The following SORCS3 variants were observed in gnomAD, a reference collection of about 807,000 sequenced individuals.
SORCS3 encodes sortilin related VPS10 domain containing receptor 3.
A neutral mutation model predicts 146.3 loss-of-function variants in SORCS3; 57 were observed. The ratio of observed to expected loss-of-function variants is 0.39; its 90% confidence interval spans 0.31 to 0.49. The LOEUF is 0.49. Among genes scored for constraint, SORCS3 ranks in the 20% least tolerant of loss-of-function variants. The pLI, the probability that SORCS3 is intolerant of heterozygous loss-of-function variation, is 0.92. For missense variants in SORCS3, 1,341 were observed against 1,575.5 expected, an observed-to-expected ratio of 0.85 and a Z score of 2.52; for synonymous variants, 653 against 618.5, an observed-to-expected ratio of 1.06 and a Z score of -0.83.
intron 13 of SORCS3, among the ~76,000 whole-genome samples, chr10:105,173,565 T>G (rs1167716115): frequency 6.6e-6 from 1 of 152,206 alleles, no homozygotes. Flanking sequence ...TGTGGTCTCT[T>G]AAATTACCAC....
intron 7 of SORCS3, among the ~76,000 whole-genome samples, chr10:105,116,680 T>C (rs569475551): frequency 1.3e-5 from 2 of 152,180 alleles, no homozygotes; most frequent in East Asian, 1.9e-4. Flanking sequence ...ATGGCACATA[T>C]ACACAGTGGA....
chr10:104,667,598 T>C (rs1343895920), intron 1 of SORCS3, among the ~76,000 whole-genome samples: 1 of 152,244 alleles, frequency 6.6e-6, no homozygotes, highest in Non-Finnish European at 1.5e-5. Flanking sequence ...TTAAAAAATA[T>C]TGTCTAGTAG....
chr10:104,645,367 C>T (rs867295065), intron 1 of SORCS3, among the ~76,000 whole-genome samples: 17 of 152,190 alleles, frequency 1.1e-4, no homozygotes, highest in African/African-American at 3.9e-4. Context: ...AGAAGCCTCC[C>T]TGCTTGCTCA....
chr10:104,673,429 T>C (rs908059818), intron 1 of SORCS3, among the ~76,000 whole-genome samples: 10 of 151,794 alleles, frequency 6.6e-5, no homozygotes, highest in Non-Finnish European at 1.0e-4. Flanking sequence ...CGTGTGTGTG[T>C]GTGTGTGTGT....
chr10:104,791,484 G>A (rs1038458800), intron 1 of SORCS3, among the ~76,000 whole-genome samples: 1 of 152,194 alleles, frequency 6.6e-6, no homozygotes. Flanking sequence ...GGCTCGGTGA[G>A]GTTCAAGGAT....
chr10:104,864,511 G>A (rs1387561077), intron 2 of SORCS3, among the ~76,000 whole-genome samples: 1 of 152,124 alleles, frequency 6.6e-6, no homozygotes, highest in South Asian at 2.1e-4. Flanking sequence ...GTGGTACCTG[G>A]TTAACAAAGC....
At chr10:105,129,662 TACAC>T (rs71022754) in intron 7 of SORCS3, among the ~76,000 whole-genome samples, 17 of 148,028 alleles carry the variant, frequency 1.1e-4, no homozygotes, top group African/African-American at 2.2e-4. Context: ...CCCACTCAAA[TACAC>T]ACACACACAC....
At chr10:105,107,370 G>A (rs1272309587) in intron 7 of SORCS3, among the ~76,000 whole-genome samples, 1 of 149,164 alleles carries the variant, frequency 6.7e-6, no homozygotes, top group Admixed American at 6.7e-5. Flanking sequence ...TTTACCAGTC[G>A]GATTTCCCTT....
intron 3 of SORCS3, among the ~76,000 whole-genome samples, chr10:104,929,840 G>A (rs771011186): frequency 8.5e-5 from 13 of 152,198 alleles, no homozygotes; most frequent in Non-Finnish European, 1.3e-4. Flanking sequence ...CAAAGCCAGC[G>A]TGCAAAAACT....
intron 1 of SORCS3, among the ~76,000 whole-genome samples, chr10:104,758,889 A>G (rs1300238179): frequency 6.6e-6 from 1 of 152,232 alleles, no homozygotes; most frequent in African/African-American, 2.4e-5. Flanking sequence ...ACTCTGAAGA[A>G]GTAGATCCTG....
rs1022758977 is a variant in SORCS3, at chr10:104,662,750, G to A, written c.627+20796G>A. ...AGAGCAAGATGAGTAAAGGCTTGGA[G>A]GTGAGAAGTAATAGGGTGTTTTTCG... On this transcript the variant is annotated intron_variant, in intron 1 of 26. Transcript: ENST00000369701. Among the ~76,000 whole-genome samples the A allele has an allele frequency of 5.9e-5, 9 of 152,334 alleles. No individual in the cohort carries two copies. In the East Asian group the frequency reaches 7.7e-4, roughly 13 times the overall value.
chr10:105,118,578 A>G (rs895057980), intron 7 of SORCS3, among the ~76,000 whole-genome samples: 4 of 152,164 alleles, frequency 2.6e-5, no homozygotes, highest in Non-Finnish European at 4.4e-5. Flanking sequence ...AGAAGAAGAA[A>G]GAAGACGTGG....
intron 2 of SORCS3, among the ~76,000 whole-genome samples, chr10:104,881,639 A>T (rs1274344490): frequency 1.3e-5 from 2 of 152,200 alleles, no homozygotes; most frequent in Non-Finnish European, 2.9e-5. Context: ...TCCCTTTTCA[A>T]TTGCTTCTAT....
intron 2 of SORCS3, among the ~76,000 whole-genome samples, chr10:104,884,828 C>G (rs2018665926): frequency 6.6e-6 from 1 of 151,846 alleles, no homozygotes; most frequent in South Asian, 2.1e-4. Flanking sequence ...AATCTGATCT[C>G]ATGTATTTTT....
intron 7 of SORCS3, among the ~76,000 whole-genome samples, chr10:105,113,145 C>G (rs554113388): frequency 2.0e-5 from 3 of 152,166 alleles, no homozygotes; most frequent in Admixed American, 2.0e-4. Flanking sequence ...CAAAAGGATC[C>G]TGCTGCTAAA....
intron 2 of SORCS3, among the ~76,000 whole-genome samples, chr10:104,896,499 G>A (rs1376972127): frequency 1.5e-4 from 23 of 152,304 alleles, no homozygotes; most frequent in Non-Finnish European, 4.4e-5. Context: ...TGCAGATTTC[G>A]ATCTGAGGGA....
intron 5 of SORCS3, among the ~76,000 whole-genome samples, chr10:105,069,299 G>T (rs1444832672): frequency 6.6e-6 from 1 of 152,190 alleles, no homozygotes; most frequent in African/African-American, 2.4e-5. Flanking sequence ...CACTTATCTT[G>T]TAAAGTTCTG....
In SORCS3 at chr10:104,786,131, C is replaced by CTCAT. The variant is rs1292880631; in HGVS notation, c.628-56647_628-56644dup. Among the ~76,000 whole-genome samples the CTCAT allele has an allele frequency of 3.9e-5, 6 of 152,138 alleles. No homozygotes were observed. The South Asian group carries it at 1.0e-3, about 26-fold the overall frequency. On this transcript the variant is annotated intron_variant, in intron 1 of 26. Coordinates refer to ENST00000369701, the MANE Select transcript of SORCS3 (RefSeq NM_014978.3). ...GAATTACTACTTTCTTGTGTTTTGG[C>CTCAT]TCATTCATTCATTCATTTATTTAGC...
rs375089193 is a variant in SORCS3, at chr10:104,735,241, T to G, written c.627+93287T>G. On this transcript the variant is annotated intron_variant, in intron 1 of 26. Coordinates refer to ENST00000369701, the MANE Select transcript of SORCS3 (RefSeq NM_014978.3). ...TGTGCTGCTGCATTGTTCTTGGCAC[T>G]TATGCCAGCCATTCAGGGCTCTCAA... Among the ~76,000 whole-genome samples, 8 of 152,250 alleles carry G rather than the reference T, an allele frequency of 5.3e-5. No individual in the cohort carries two copies. The South Asian group carries it at 1.7e-3, about 32-fold the overall frequency.
Sources: allele counts gnomAD v4.1 joint callset (sites outside exome capture counted in the v4.1 genomes callset), GRCh38; gene constraint gnomAD v4.1.1; transcripts MANE v1.5; gene names NCBI Gene and HGNC (gene_info 2026-07-23, HGNC 2026-07-21).